The following ERC1 variants were observed in gnomAD, a reference collection of about 807,000 sequenced individuals.
The protein encoded by ERC1 is ELKS/RAB6-interacting/CAST family member 1.
ERC1 carries 56 observed loss-of-function variants against 132.0 expected under a neutral mutation model. The observed-to-expected ratio is 0.42, with a 90% CI of 0.34 to 0.53. ERC1 has a LOEUF of 0.53. ERC1 is among the 20% of genes least tolerant of loss of function. The probability of loss-of-function intolerance (pLI) is 0.03; values close to 1 mark genes in which losing one functional copy is unlikely to be tolerated. For missense variants in ERC1, 1,202 were observed against 1,349.9 expected (o/e 0.89, Z 1.72); for synonymous variants, 478 against 476.1 (o/e 1.00, Z -0.05).
chr12:1,136,187 G>A lies in ERC1; in HGVS notation c.1570-5433G>A, dbSNP rs192070317. Among the ~76,000 whole-genome samples, 66 of 152,252 alleles carry A rather than the reference G, an allele frequency of 4.3e-4. 1 individual carries two copies. The East Asian group carries it at 0.01, about 24-fold the overall frequency. On this transcript the variant is annotated intron_variant, in intron 7 of 18. Coordinates refer to ENST00000360905, the MANE Select transcript of ERC1 (RefSeq NM_178040.4). ...GACACTGATGCTTTCCGTGGCTAAG[G>A]CCTTGTCTTCTGCTGCACCTCACAT...
intron 15 of ERC1, among the ~76,000 whole-genome samples, chr12:1,302,865 A>C (rs1026928688): frequency 6.6e-6 from 1 of 152,100 alleles, no homozygotes; most frequent in African/African-American, 2.4e-5. Flanking sequence ...CGGGAGGCTG[A>C]GGCAGGAGGA....
At chr12:1,298,306 C>T (rs183790727) in intron 15 of ERC1, among the ~76,000 whole-genome samples, 6 of 152,118 alleles carry the variant, frequency 3.9e-5, no homozygotes, top group African/African-American at 1.4e-4. Flanking sequence ...CTTTGGGAGC[C>T]CAAGGCGCAC....
intron 17 of ERC1, among the ~76,000 whole-genome samples, chr12:1,442,338 ACT>A (rs2154409972): frequency 1.3e-5 from 2 of 152,350 alleles, no homozygotes; most frequent in South Asian, 4.1e-4. Context: ...TGATTGAAAC[ACT>A]GTCTTCCTTC....
At chr12:1,366,460 G>A (rs1157238104) in intron 15 of ERC1, among the ~76,000 whole-genome samples, 1 of 152,200 alleles carries the variant, frequency 6.6e-6, no homozygotes, top group Non-Finnish European at 1.5e-5. Context: ...GCCAGATTTT[G>A]AAGGAGAGAA....
intron 18 of ERC1, among the ~76,000 whole-genome samples, chr12:1,448,918 C>T (rs1175742807): frequency 6.6e-6 from 1 of 152,260 alleles, no homozygotes; most frequent in African/African-American, 2.4e-5. Context: ...CCCATGAAAG[C>T]AGCTGGAAGG....
At chr12:1,192,357 T>C (rs1187236707) in intron 12 of ERC1, among the ~76,000 whole-genome samples, 1 of 152,220 alleles carries the variant, frequency 6.6e-6, no homozygotes, top group Non-Finnish European at 1.5e-5. Flanking sequence ...CAGTTGGGAT[T>C]ATGTTATACC....
At chr12:1,077,154 T>C (rs1593147039) in intron 2 of ERC1, among the ~76,000 whole-genome samples, 1 of 150,656 alleles carries the variant, frequency 6.6e-6, no homozygotes, top group African/African-American at 2.4e-5. Flanking sequence ...TCTGATCTTC[T>C]TGATAAACAG....
intron 8 of ERC1, among the ~76,000 whole-genome samples, chr12:1,148,992 T>C (rs1950612801): frequency 6.6e-6 from 1 of 152,188 alleles, no homozygotes; most frequent in Non-Finnish European, 1.5e-5. Context: ...TTGACGTTAC[T>C]GTATTAAGGT....
intron 17 of ERC1, among the ~76,000 whole-genome samples, chr12:1,424,829 AGATAGATAGATAGAT>A (rs755527915): frequency 1.7e-4 from 22 of 128,352 alleles, no homozygotes; most frequent in South Asian, 1.3e-3. Context: ...ATAGATAGAT[AGATAGATAGATAGAT>A]GATAGATAGA....
intron 15 of ERC1, among the ~76,000 whole-genome samples, chr12:1,339,257 A>G (rs1288250340): frequency 7.0e-6 from 1 of 142,782 alleles, no homozygotes; most frequent in African/African-American, 2.7e-5. Context: ...GGGTGCTAGC[A>G]GGTGCCAGGG....
At chr12:1,399,478 A>T (rs7980221) in intron 16 of ERC1, among the ~76,000 whole-genome samples, 322 of 152,268 alleles carry the variant, frequency 2.1e-3, no homozygotes, top group African/African-American at 7.2e-3. Flanking sequence ...ATCGCTTTTT[A>T]TATATTAAAT....
chr12:1,465,391 G>A (rs1421405023), intron 18 of ERC1, among the ~76,000 whole-genome samples: 1 of 152,114 alleles, frequency 6.6e-6, no homozygotes, highest in Non-Finnish European at 1.5e-5. Context: ...TTACTGAGAC[G>A]GCCTAGAAAT....
chr12:1,146,775 A>ACC (rs142725193), intron 8 of ERC1, among the ~76,000 whole-genome samples: 5 of 142,306 alleles, frequency 3.5e-5, no homozygotes, highest in African/African-American at 8.4e-5. Context: ...CCCTCCCCCA[A>ACC]CCCCCACCCC....
rs778762418 is a variant in ERC1, at chr12:1,028,507, A to G, written c.604A>G (p.Lys202Glu). The G allele has an allele frequency of 6.2e-7, 1 of 1,614,188 alleles. No individual in the cohort carries two copies. The highest frequency in any genetic ancestry group is 8.5e-7 in the Non-Finnish European group (1 of 1,180,042). Reference sequence around the variant, plus strand: ...GCTGAAGAAGGAACGAGCCCTGAGAAAAGATGAAGCTTCCAAAATCACCAT... The same window carrying G: ...GCTGAAGAAGGAACGAGCCCTGAGAGAAGATGAAGCTTCCAAAATCACCAT... ...PELKKERALR[K>E]DEASKITIWK... Residue 202 changes from lysine to glutamate, a missense_variant, in exon 2 of 19, where the codon AAA (lysine) becomes GAA (glutamate). Transcript: ENST00000360905.
At chr12:1,172,403 G>T (rs542697243) in intron 8 of ERC1, among the ~76,000 whole-genome samples, 1 of 152,324 alleles carries the variant, frequency 6.6e-6, no homozygotes, top group Admixed American at 6.5e-5. Flanking sequence ...AGGAGTTCAA[G>T]GATGCAGTGA....
Position 1,199,939 on chromosome 12 carries a change from A to G in ERC1, c.2351+9887A>G, listed in dbSNP as rs1956751896. On this transcript the variant is annotated intron_variant, in intron 12 of 18. Coordinates refer to ENST00000360905, the MANE Select transcript of ERC1 (RefSeq NM_178040.4). ...TTTTTTTTTTTTTGGAACACAAAGAATGAATGAGGTCATTTTCCTATCATG... is the reference window on the plus strand; with the variant it reads ...TTTTTTTTTTTTTGGAACACAAAGAGTGAATGAGGTCATTTTCCTATCATG... 2.0e-5 allele frequency among the ~76,000 whole-genome samples: 3 copies of G among 151,932 alleles called. No individual in the cohort carries two copies. The South Asian group carries it at 6.2e-4, about 32-fold the overall frequency.
chr12:1,172,287 T>C (rs1953150088), intron 8 of ERC1, among the ~76,000 whole-genome samples: 1 of 152,158 alleles, frequency 6.6e-6, no homozygotes, highest in Admixed American at 6.5e-5. Flanking sequence ...CTGGGCAATG[T>C]TGCAGTACTT....
chr12:1,162,779 T>C (rs1188699391), intron 8 of ERC1, among the ~76,000 whole-genome samples: 2 of 152,200 alleles, frequency 1.3e-5, no homozygotes, highest in African/African-American at 4.8e-5. Context: ...CTGAATGTTA[T>C]TATTTTAAAT....
At chr12:1,187,733 T>G (rs529831112) in intron 11 of ERC1, among the ~76,000 whole-genome samples, 2 of 152,342 alleles carry the variant, frequency 1.3e-5, no homozygotes, top group African/African-American at 4.8e-5. Flanking sequence ...ATATTCATTT[T>G]TTCTACAAAT....
Sources: allele counts gnomAD v4.1 joint callset (sites outside exome capture counted in the v4.1 genomes callset), GRCh38; gene constraint gnomAD v4.1.1; transcripts MANE v1.5; gene names NCBI Gene and HGNC (gene_info 2026-07-23, HGNC 2026-07-21).